ARHGAP22: variants seen among roughly 807,000 people sequenced by gnomAD.
ARHGAP22 encodes the protein rho GTPase-activating protein 22.
Under a neutral mutation model 59.1 loss-of-function variants are expected in ARHGAP22, and 48 were observed. That is an observed-to-expected ratio of 0.81 (90% CI 0.64 to 1.03). The LOEUF is 1.03. Among genes scored for constraint, ARHGAP22 ranks in the 50% least tolerant of loss-of-function variants. The pLI is 0.00. For missense variants in ARHGAP22, 1,015 were observed against 958.7 expected, an observed-to-expected ratio of 1.06 and a Z score of -0.78; for synonymous variants, 445 against 416.4, an observed-to-expected ratio of 1.07 and a Z score of -0.84.
At chr10:48,653,325 G>A (rs1484399428), upstream of ARHGAP22, among the ~76,000 whole-genome samples, 1 of 152,236 alleles carries the variant, frequency 6.6e-6, no homozygotes, top group Non-Finnish European at 1.5e-5. Context: ...CTCAGTGCAG[G>A]CTAGATCCTT....
At chr10:48,493,601 A>C in intron 3 of ARHGAP22, 1 of 1,473,464 alleles carries the variant, frequency 6.8e-7, no homozygotes. Flanking sequence ...GGCTGCGGCC[A>C]CTCGGCTGCC....
intron 3 of ARHGAP22, among the ~76,000 whole-genome samples, chr10:48,516,478 T>C (rs189217750): frequency 1.3e-5 from 2 of 152,060 alleles, no homozygotes; most frequent in African/African-American, 2.4e-5. Context: ...CAGTGAGCCA[T>C]GATTGTACCA....
At chr10:48,526,661 T>G (rs2054353237) in intron 3 of ARHGAP22, among the ~76,000 whole-genome samples, 2 of 152,176 alleles carry the variant, frequency 1.3e-5, no homozygotes, top group Non-Finnish European at 2.9e-5. Context: ...GTCCTACATT[T>G]GGAAAGCAAG....
chr10:48,624,128 T>C (rs1035252144), intron 1 of ARHGAP22: 5 of 152,414 alleles, frequency 3.3e-5, no homozygotes, highest in African/African-American at 1.2e-4. Context: ...CTGGCAAGGA[T>C]TGTTGAGATC....
intron 7 of ARHGAP22, 48 bp downstream of exon 7, chr10:48,454,040 G>C: frequency 6.4e-7 from 1 of 1,568,516 alleles, no homozygotes; most frequent in East Asian, 2.2e-5. Flanking sequence ...TTGGGGGAGC[G>C]TGGAGCCAGT....
rs2045831932 is a variant in ARHGAP22, at chr10:48,450,626, G to A, written c.1503C>T (p.Val501=). ...TACTGGCCACGCTGGGTATGCCGGG[G>A]ACCAGGCCCGGCGCGGGCACATTGT... is the stretch of plus-strand genomic sequence containing the variant. ...TYDNVPAPGL[V]PGIPSVASMA... is the part of the protein sequence containing the mutation. Residue 501 remains valine, a synonymous_variant, in exon 9 of 10, where the codon GTC becomes GTT. Transcript: ENST00000249601. The A allele has an allele frequency of 1.3e-6, 2 of 1,549,258 alleles. No homozygotes were observed. The highest frequency in any genetic ancestry group is 1.7e-6 in the Non-Finnish European group (2 of 1,146,908).
intron 3 of ARHGAP22, among the ~76,000 whole-genome samples, chr10:48,554,210 G>A (rs1261677707): frequency 6.6e-6 from 1 of 152,216 alleles, no homozygotes; most frequent in Non-Finnish European, 1.5e-5. Flanking sequence ...ACTTTTGCCT[G>A]TGCCCCTGCG....
Position 48,627,746 on chromosome 10 carries a change from G to A in ARHGAP22, c.52+24488C>T, listed in dbSNP as rs371392754. ...TTTATGAAAGATCCCAACTGATAAT[G>A]TGAGGCATGCATTCTCAGGGCCCCT... On this transcript the variant is annotated intron_variant, in intron 1 of 9. Transcript: ENST00000435790. Among the ~76,000 whole-genome samples, 13 of 152,328 alleles carry A rather than the reference G, an allele frequency of 8.5e-5. 1 individual carries two copies. The South Asian group carries it at 1.2e-3, about 15-fold the overall frequency.
chr10:48,640,343 A>G (rs1435609130), intron 1 of ARHGAP22, among the ~76,000 whole-genome samples: 1 of 152,216 alleles, frequency 6.6e-6, no homozygotes. Flanking sequence ...AACTTCCTAA[A>G]TTTGATGAAA....
intron 1 of ARHGAP22, among the ~76,000 whole-genome samples, chr10:48,587,213 G>C (rs866396221): frequency 1.6e-4 from 25 of 152,340 alleles, no homozygotes; most frequent in African/African-American, 5.5e-4. Flanking sequence ...TCTCAAGCCA[G>C]CAAGGGGTTG....
the ARHGAP22 span, among the ~76,000 whole-genome samples, chr10:48,440,905 C>G: frequency 1.3e-5 from 2 of 152,304 alleles, no homozygotes; most frequent in East Asian, 3.9e-4. Context: ...AGATGTATTG[C>G]CATGACATAG....
chr10:48,570,551 T>C (rs1440009299), intron 2 of ARHGAP22, among the ~76,000 whole-genome samples: 1 of 152,194 alleles, frequency 6.6e-6, no homozygotes, highest in Admixed American at 6.5e-5. Flanking sequence ...AGGTTTGTTT[T>C]TTTCTGAGTG....
rs562023283 is a variant in ARHGAP22 at position 48,610,355 on chromosome 10, C to G, written c.53-27203G>C. 2.0e-5 allele frequency among the ~76,000 whole-genome samples: 3 copies of G among 152,246 alleles called. No homozygotes were observed. In the East Asian group the frequency reaches 5.8e-4, roughly 29 times the overall value. ...GAGCAAGAGAGTTCAGACCGGAGCA[C>G]AGAGGCTTTGCTTGGAAAGCCCCTG... On this transcript the variant is annotated intron_variant, in intron 1 of 9. Transcript: ENST00000435790.
intron 3 of ARHGAP22, among the ~76,000 whole-genome samples, chr10:48,539,314 C>A (rs2055689777): frequency 9.8e-5 from 4 of 41,002 alleles, no homozygotes; most frequent in African/African-American, 6.1e-4. Context: ...TTTTTTGAGA[C>A]GGAGTCTCGC....
chr10:48,648,202 A>G (rs1430385684), intron 1 of ARHGAP22, among the ~76,000 whole-genome samples: 2 of 152,250 alleles, frequency 1.3e-5, no homozygotes, highest in African/African-American at 4.8e-5. Flanking sequence ...TTACATATCA[A>G]TAAGGCTGTT....
At chr10:48,514,940 A>G (rs2053145439) in intron 3 of ARHGAP22, among the ~76,000 whole-genome samples, 1 of 152,146 alleles carries the variant, frequency 6.6e-6, no homozygotes, top group South Asian at 2.1e-4. Context: ...TAACTAAAAG[A>G]ATACCATGAA....
At chr10:48,510,575 CCTTGT>C (rs1216142698) in intron 3 of ARHGAP22, 17 of 152,250 alleles carry the variant, frequency 1.1e-4, no homozygotes, top group African/African-American at 3.9e-4. Flanking sequence ...GCACCCTCAT[CCTTGT>C]CTTGAGTAAC....
chr10:48,530,010 G>A (rs2054669374), intron 3 of ARHGAP22, among the ~76,000 whole-genome samples: 1 of 152,150 alleles, frequency 6.6e-6, no homozygotes, highest in South Asian at 2.1e-4. Context: ...GCCAACGTGG[G>A]CAGATCATCT....
chr10:48,474,620 T>C (rs1030681632), intron 4 of ARHGAP22, among the ~76,000 whole-genome samples: 11 of 152,084 alleles, frequency 7.2e-5, no homozygotes, highest in Admixed American at 3.9e-4. Context: ...TTCCTAGGGA[T>C]AGAATAGAAG....
Sources: allele counts gnomAD v4.1 joint callset (sites outside exome capture counted in the v4.1 genomes callset), GRCh38; gene constraint gnomAD v4.1.1; transcripts MANE v1.5; gene names NCBI Gene and HGNC (gene_info 2026-07-23, HGNC 2026-07-21).